The following LRRC8A variants were observed in gnomAD, a reference collection of about 807,000 sequenced individuals.
LRRC8A encodes the protein volume-regulated anion channel subunit LRRC8A.
A neutral mutation model predicts 52.5 loss-of-function variants in LRRC8A; 24 were observed. That is an observed-to-expected ratio of 0.46 (90% CI 0.33 to 0.64). LRRC8A has a LOEUF of 0.64. LRRC8A is among the 30% of genes least tolerant of loss of function. LRRC8A has a pLI of 0.02. For synonymous variants in LRRC8A, 492 were observed against 494.2 expected (o/e 1.00, Z 0.06); for missense variants, 677 against 1,094.7 (o/e 0.62, Z 5.38).
Position 128,911,199 on chromosome 9 carries a change from C to A in LRRC8A, c.2157+1878C>A, listed in dbSNP as rs1248265641. 6.6e-6 allele frequency among the ~76,000 whole-genome samples: 1 copy of A among 152,220 alleles called. No individual in the cohort carries two copies. Among genetic ancestry groups the A allele is most frequent in the African/African-American group, 2.4e-5 (1 of 41,450 alleles). On this transcript the variant is annotated intron_variant, in intron 3 of 3. Coordinates refer to ENST00000372600, the MANE Select transcript of LRRC8A (RefSeq NM_019594.4). This position sits in a 1 kb window ranked among gnomAD's most constrained non-coding sequence, Gnocchi z 4.9. ...TCTCCAGCATCACTCAGACTAGATG[C>A]TTCAGGCCCTCCAGATGCCTGCTGG... is the stretch of plus-strand genomic sequence containing the variant.
intron 2 of LRRC8A, among the ~76,000 whole-genome samples, chr9:128,903,944 C>T (rs1840133836): frequency 1.3e-5 from 2 of 152,100 alleles, no homozygotes; most frequent in African/African-American, 4.8e-5. Context: ...ATGAGAATCA[C>T]TTAAACCCAG....
At chr9:128,893,852 T>C (rs974103810) in intron 2 of LRRC8A, among the ~76,000 whole-genome samples, 1 of 151,188 alleles carries the variant, frequency 6.6e-6, no homozygotes, top group Admixed American at 6.6e-5. Context: ...TAAATTCTTT[T>C]CTGTACACAG....
chr9:128,892,145 G>C lies in LRRC8A; in HGVS notation c.-9+6024G>C, dbSNP rs1329565979. 1.3e-5 allele frequency among the ~76,000 whole-genome samples: 2 copies of C among 152,208 alleles called. No homozygotes were observed. Among genetic ancestry groups the C allele is most frequent in the South Asian group, 2.1e-4 (1 of 4,832 alleles). On this transcript the variant is annotated intron_variant, in intron 2 of 3. Coordinates refer to ENST00000372600, the MANE Select transcript of LRRC8A (RefSeq NM_019594.4). The surrounding 1 kb of genome is among the most constrained non-coding windows in gnomAD (Gnocchi z 5.2). The stretch of plus-strand genomic sequence containing the variant: ...CAGCGAGGTGAAGGGACTTTCTCAC[G>C]GTCTCGTGGTGAGGTGGGTGCCACC...
chr9:128,907,849 A>G lies in LRRC8A; in HGVS notation c.685A>G (p.Thr229Ala). 1 of 1,614,034 alleles carries G rather than the reference A, an allele frequency of 6.2e-7. No homozygotes were observed. The highest frequency in any genetic ancestry group is 8.5e-7 in the Non-Finnish European group (1 of 1,180,016). ...GCAGGGTATCGTGGACCGCTCAGAG[A>G]CGGGCGTGCTGGACAAGAAGGAGGG... ...IEQGIVDRSE[T>A]GVLDKKEGEQ... The change falls in exon 3 of 4, where the codon ACG becomes GCG. Residue 229 changes from threonine (T) to alanine (A), a missense_variant. This residue lies in a region of LRRC8A where 422 missense variants were observed against 741.5 expected (regional missense o/e 0.57). Coordinates refer to ENST00000372600, the MANE Select transcript of LRRC8A (RefSeq NM_019594.4). This position sits in a 1 kb window ranked among gnomAD's most constrained non-coding sequence, Gnocchi z 9.3.
chr9:128,906,316 A>ATTTTT (rs71383620), intron 2 of LRRC8A, among the ~76,000 whole-genome samples: 14 of 79,268 alleles, frequency 1.8e-4, no homozygotes, highest in East Asian at 3.7e-4. Flanking sequence ...CCCATGTGGA[A>ATTTTT]TTTTTTTTTT....
At chr9:128,910,951 GT>G (rs1156496969) in intron 3 of LRRC8A, among the ~76,000 whole-genome samples, 1 of 152,134 alleles carries the variant, frequency 6.6e-6, no homozygotes, top group Non-Finnish European at 1.5e-5. Context: ...TGTTGGTTTC[GT>G]GGGCACCTGC....
chr9:128,909,400 TCA>T (rs1840402858), intron 3 of LRRC8A, 79 bp downstream of exon 3: 1 of 1,401,356 alleles, frequency 7.1e-7, no homozygotes, highest in African/African-American at 1.4e-5. Context: ...CTCGGCAGGC[TCA>T]GTGTCCTGGG....
chr9:128,902,718 T>G lies in LRRC8A; in HGVS notation c.-8-4439T>G, dbSNP rs781499510. ...TGTCTCAGTGGAGGCAGCTGTGTGA[T>G]TCAGAAGCTCTCCCAGTGCCACTTT... On this transcript the variant is annotated intron_variant, in intron 2 of 3. Coordinates refer to ENST00000372600, the MANE Select transcript of LRRC8A (RefSeq NM_019594.4). This position sits in a 1 kb window ranked among gnomAD's most constrained non-coding sequence, Gnocchi z 4.1. Among the ~76,000 whole-genome samples, 1 of 152,084 alleles carries G rather than the reference T, an allele frequency of 6.6e-6. No individual in the cohort carries two copies. The highest frequency in any genetic ancestry group is 1.5e-5 in the Non-Finnish European group (1 of 68,012).
chr9:128,904,866 C>T (rs1339878632), intron 2 of LRRC8A, among the ~76,000 whole-genome samples: 1 of 148,108 alleles, frequency 6.8e-6, no homozygotes, highest in Non-Finnish European at 1.5e-5. Context: ...GTGTGGTGGG[C>T]GGGTGCCTGT....
At chr9:128,891,790 GGC>G (rs1024909572) in intron 2 of LRRC8A, among the ~76,000 whole-genome samples, 6 of 152,090 alleles carry the variant, frequency 3.9e-5, no homozygotes, top group Non-Finnish European at 8.8e-5. Context: ...TATCTTCAAG[GGC>G]CTGGGTCCCA....
chr9:128,908,300 T>C lies in LRRC8A; in HGVS notation c.1136T>C (p.Ile379Thr), dbSNP rs377623986. The change falls in exon 3 of 4, where the codon ATT becomes ACT. Residue 379 changes from isoleucine to threonine, a missense_variant. Ile to Thr is a moderately conservative substitution (Grantham distance 89). Coordinates refer to ENST00000372600, the MANE Select transcript of LRRC8A (RefSeq NM_019594.4). ...GACTTCGCCTTCATGCTGCACCTCA[T>C]TGACCAATACGACCCGCTCTACTCC... ...KNDFAFMLHLIDQYDPLYSKR... is the reference protein window; with the variant it reads ...KNDFAFMLHLTDQYDPLYSKR... 1.2e-5 allele frequency: 19 copies of C among 1,614,118 alleles called. No homozygotes were observed. Among genetic ancestry groups the C allele is most frequent in the Non-Finnish European group, 1.5e-5 (18 of 1,180,016 alleles).
In LRRC8A at chr9:128,916,132, A is replaced by C. The variant is rs767858656; in HGVS notation, c.2194A>C (p.Lys732Gln). The C allele has an allele frequency of 1.9e-5, 31 of 1,612,140 alleles. No individual in the cohort carries two copies. The highest frequency in any genetic ancestry group is 2.6e-5 in the Non-Finnish European group (31 of 1,178,790). Residue 732 changes from lysine (K) to glutamine (Q), a missense_variant, in exon 4 of 4, where the codon AAG becomes CAG. Lys to Gln is a moderately conservative substitution (Grantham distance 53). Coordinates refer to ENST00000372600, the MANE Select transcript of LRRC8A (RefSeq NM_019594.4). This position sits in a 1 kb window ranked among gnomAD's most constrained non-coding sequence, Gnocchi z 6.1. ...CCCTCCGGAGCTCTTCCAGTGCCGG[A>C]AGCTGCGGGCCCTGCACCTGGGCAA... ...TLPPELFQCR[K>Q]LRALHLGNNV...
At chr9:128,883,357 G>A (rs1044541517) in intron 1 of LRRC8A, among the ~76,000 whole-genome samples, 16 of 152,238 alleles carry the variant, frequency 1.1e-4, no homozygotes, top group East Asian at 1.9e-4. Flanking sequence ...AGACAACCTG[G>A]CAGACAGACA....
rs574645027 is a variant in LRRC8A at position 128,897,421 on chromosome 9, C to A, written c.-8-9736C>A. On this transcript the variant is annotated intron_variant, in intron 2 of 3. Transcript: ENST00000372600. ...AGAGACAGGATTCCGCCATGTTGGCCAGGCTGGTCTCAAACTCCTGAGGTG... is the reference window on the plus strand; with the variant it reads ...AGAGACAGGATTCCGCCATGTTGGCAAGGCTGGTCTCAAACTCCTGAGGTG... 9.9e-5 allele frequency among the ~76,000 whole-genome samples: 15 copies of A among 151,964 alleles called. No individual in the cohort carries two copies. The South Asian group carries it at 1.5e-3, about 15-fold the overall frequency.
intron 3 of LRRC8A, among the ~76,000 whole-genome samples, chr9:128,913,676 C>G (rs1205030874): frequency 6.6e-6 from 1 of 152,154 alleles, no homozygotes; most frequent in Non-Finnish European, 1.5e-5. Flanking sequence ...CACTCGCTGT[C>G]CAGAGCTTTC....
chr9:128,894,316 T>C (rs1307103761), intron 2 of LRRC8A, among the ~76,000 whole-genome samples: 2 of 151,660 alleles, frequency 1.3e-5, no homozygotes, highest in East Asian at 3.9e-4. Context: ...ACCCCGTCTG[T>C]ACTAAAAATA....
intron 2 of LRRC8A, among the ~76,000 whole-genome samples, chr9:128,893,591 G>A (rs868383826): frequency 7.9e-5 from 12 of 152,174 alleles, no homozygotes; most frequent in Admixed American, 5.9e-4. Context: ...GCTGCTGAGC[G>A]TGAGTGTTAC....
chr9:128,910,094 T>G (rs1004027007), intron 3 of LRRC8A, among the ~76,000 whole-genome samples: 11 of 152,272 alleles, frequency 7.2e-5, no homozygotes, highest in African/African-American at 2.4e-4. Context: ...GCAGGCAGTG[T>G]GGATGGAGGG....
chr9:128,882,524 C>A (rs1339863388), intron 1 of LRRC8A: 3 of 394,834 alleles, frequency 7.6e-6, no homozygotes, highest in Non-Finnish European at 1.3e-5. Context: ...CCAGGAGTTT[C>A]CGCCTCGGCT....
Sources: gnomAD v4.1 joint callset for allele counts (sites outside exome capture counted in the v4.1 genomes callset) on GRCh38, gnomAD v4.1.1 for gene constraint, gnomAD v4.1.1 regional missense constraint, Gnocchi (gnomAD v3.1) non-coding constraint, MANE v1.5 for transcripts, NCBI Gene and HGNC (gene_info 2026-07-23, HGNC 2026-07-21) for gene names.